PITPNM2: variants seen among roughly 807,000 people sequenced by gnomAD.
The protein encoded by PITPNM2 is phosphatidylinositol transfer protein membrane associated 2, also known as membrane-associated phosphatidylinositol transfer protein 2.
PITPNM2 carries 35 observed loss-of-function variants against 132.2 expected under a neutral mutation model. That is an observed-to-expected ratio of 0.26 (90% CI 0.20 to 0.35). PITPNM2 has a LOEUF of 0.35. Among genes scored for constraint, PITPNM2 ranks in the 10% least tolerant of loss-of-function variants. PITPNM2 has a pLI of 1.00. For missense variants in PITPNM2, 1,332 were observed against 1,912.0 expected (o/e 0.70, Z 5.66); for synonymous variants, 738 against 799.2 (o/e 0.92, Z 1.29).
At chr12:123,073,993 G>A (rs1301882551) in intron 2 of PITPNM2, among the ~76,000 whole-genome samples, 2 of 152,188 alleles carry the variant, frequency 1.3e-5, no homozygotes, top group Non-Finnish European at 2.9e-5. Context: ...GAAGGACAAG[G>A]GCTGAATATA....
At chr12:123,145,845 G>A (rs188130273) in intron 1 of PITPNM2, among the ~76,000 whole-genome samples, 153 of 152,242 alleles carry the variant, frequency 1.0e-3, no homozygotes, top group African/African-American at 3.3e-3. Context: ...TAAAGATACA[G>A]GCACACGTAT....
At chr12:123,131,833 T>C (rs2043269415) in intron 1 of PITPNM2, among the ~76,000 whole-genome samples, 1 of 152,252 alleles carries the variant, frequency 6.6e-6, no homozygotes, top group African/African-American at 2.4e-5. Flanking sequence ...TCCAAGTGCC[T>C]GTCAAGCTCT....
At chr12:123,114,769 G>A (rs1261372472) in intron 1 of PITPNM2, among the ~76,000 whole-genome samples, 4 of 152,118 alleles carry the variant, frequency 2.6e-5, no homozygotes, top group South Asian at 2.1e-4. Context: ...CTGAAGAGTC[G>A]ATGAGCTAAA....
chr12:123,055,566 T>G (rs1172570651), intron 2 of PITPNM2, among the ~76,000 whole-genome samples: 3 of 152,246 alleles, frequency 2.0e-5, no homozygotes, highest in African/African-American at 7.2e-5. Context: ...GATGCAGCTT[T>G]GTAGGAACAG....
At chr12:123,125,461 C>T (rs1312222565) in intron 1 of PITPNM2, among the ~76,000 whole-genome samples, 1 of 152,066 alleles carries the variant, frequency 6.6e-6, no homozygotes, top group African/African-American at 2.4e-5. Context: ...ACAGATTTAA[C>T]AAGAGTTTTT....
At chr12:123,131,080 C>A (rs184566593) in intron 1 of PITPNM2, among the ~76,000 whole-genome samples, 2 of 152,180 alleles carry the variant, frequency 1.3e-5, no homozygotes, top group Non-Finnish European at 2.9e-5. Flanking sequence ...ATTCATTCAA[C>A]AAATATGGAG....
At position 123,000,942 on chromosome 12, in the gene PITPNM2, G is replaced by A; in HGVS notation, c.1154-94C>T. The A allele has an allele frequency of 6.5e-7, 1 of 1,549,388 alleles. No homozygotes were observed. The highest frequency in any genetic ancestry group is 1.4e-5 in the African/African-American group (1 of 73,734). ...CAACTGTGACGAGGGGAGCTTGGGG[G>A]TCCCCAACTCACATGTATGCCCAGC... On this transcript the variant is annotated intron_variant, in intron 9 of 25. Coordinates refer to ENST00000320201, the MANE Select transcript of PITPNM2 (RefSeq NM_020845.3). The surrounding 1 kb of genome is among the most constrained non-coding windows in gnomAD (Gnocchi z 5.4).
At chr12:123,026,317 G>T (rs2039861199) in intron 3 of PITPNM2, among the ~76,000 whole-genome samples, 1 of 152,218 alleles carries the variant, frequency 6.6e-6, no homozygotes, top group African/African-American at 2.4e-5. Flanking sequence ...CACAAACTAA[G>T]GTATGCTTGG....
chr12:123,027,795 G>C (rs1431629233), intron 3 of PITPNM2, among the ~76,000 whole-genome samples: 1 of 152,198 alleles, frequency 6.6e-6, no homozygotes, highest in Non-Finnish European at 1.5e-5. Flanking sequence ...CTGTCACCAG[G>C]AACTTCAAAG....
chr12:122,992,427 A>T lies in PITPNM2; in HGVS notation c.2404+72T>A, dbSNP rs1350996629. 6.8e-7 allele frequency: 1 copy of T among 1,477,188 alleles called. No individual in the cohort carries two copies. Among genetic ancestry groups the T allele is most frequent in the Non-Finnish European group, 9.1e-7 (1 of 1,102,744 alleles). 91.5% of individuals were successfully genotyped at this position (1,477,188 alleles called of 1,614,324 possible). On this transcript the variant is annotated intron_variant, in intron 16 of 25. Coordinates refer to ENST00000320201, the MANE Select transcript of PITPNM2 (RefSeq NM_020845.3). This position sits in a 1 kb window ranked among gnomAD's most constrained non-coding sequence, Gnocchi z 6.5. ...CCTGGGGAAGAACCACGTAGCATGG[A>T]GGACCTAGGAGCCAGGGAGCCACGC...
intron 2 of PITPNM2, among the ~76,000 whole-genome samples, chr12:123,093,731 G>A (rs1243926630): frequency 1.3e-5 from 2 of 152,228 alleles, no homozygotes; most frequent in Admixed American, 6.5e-5. Flanking sequence ...AAGACAGGCT[G>A]TTGCAGCCCA....
intron 1 of PITPNM2, among the ~76,000 whole-genome samples, chr12:123,123,613 CA>C (rs1447716111): frequency 6.7e-6 from 1 of 149,610 alleles, no homozygotes; most frequent in East Asian, 1.9e-4. Flanking sequence ...CTCTCTCTCT[CA>C]AAAAAAACAA....
intron 1 of PITPNM2, among the ~76,000 whole-genome samples, chr12:123,119,266 C>T (rs1244982922): frequency 1.3e-5 from 2 of 151,992 alleles, no homozygotes; most frequent in African/African-American, 4.8e-5. Context: ...GCAGCTTCTG[C>T]CTAAGCTTTG....
chr12:123,115,947 C>T (rs2042929181), intron 1 of PITPNM2, among the ~76,000 whole-genome samples: 1 of 152,218 alleles, frequency 6.6e-6, no homozygotes, highest in Non-Finnish European at 1.5e-5. Flanking sequence ...CCATGGGAAC[C>T]TGGATATTCC....
intron 3 of PITPNM2, among the ~76,000 whole-genome samples, chr12:123,026,520 T>C (rs2039868739): frequency 6.6e-6 from 1 of 152,274 alleles, no homozygotes; most frequent in Admixed American, 6.5e-5. Flanking sequence ...CCTGGGATGC[T>C]GGCAGGCTCA....
chr12:123,025,227 C>A lies in PITPNM2; in HGVS notation c.78+9286G>T, dbSNP rs534635061. Among the ~76,000 whole-genome samples the A allele has an allele frequency of 4.9e-3, 744 of 152,298 alleles. 4 individuals are homozygous for A. The highest frequency in any genetic ancestry group is 8.6e-3 in the Non-Finnish European group (586 of 68,030). On this transcript the variant is annotated intron_variant, in intron 3 of 25. Transcript: ENST00000320201. ...GCAGGTGTGTATGTGTGCGTGCATA[C>A]ACCTAGGCACACAGATGCACATGCA...
intron 2 of PITPNM2, among the ~76,000 whole-genome samples, chr12:123,070,255 C>T (rs965569960): frequency 5.9e-5 from 9 of 152,210 alleles, no homozygotes; most frequent in African/African-American, 1.7e-4. Context: ...AGCTATCAGA[C>T]TGCAAACAGA....
At chr12:123,073,448 C>A (rs767536141) in intron 2 of PITPNM2, among the ~76,000 whole-genome samples, 3 of 152,180 alleles carry the variant, frequency 2.0e-5, no homozygotes, top group Non-Finnish European at 2.9e-5. Context: ...ACCGCCTACA[C>A]AGGTGGTTCA....
At position 123,058,827 on chromosome 12, in the gene PITPNM2, G is replaced by T. The variant is rs1398162029; in HGVS notation, c.-95-24142C>A. Among the ~76,000 whole-genome samples the T allele has an allele frequency of 6.6e-6, 1 of 152,144 alleles. No individual in the cohort carries two copies. Among genetic ancestry groups the T allele is most frequent in the South Asian group, 2.1e-4 (1 of 4,812 alleles). On this transcript the variant is annotated intron_variant, in intron 2 of 25. Transcript: ENST00000320201. The surrounding 1 kb of genome is among the most constrained non-coding windows in gnomAD (Gnocchi z 4.0). ...GGTCCACCTGGAAAATTCTCGAAGT[G>T]TCTATTAAGAATCAGCTTACACAGC... is the stretch of plus-strand genomic sequence containing the variant.
Sources: gnomAD v4.1 joint callset for allele counts (sites outside exome capture counted in the v4.1 genomes callset) on GRCh38, gnomAD v4.1.1 for gene constraint, Gnocchi (gnomAD v3.1) non-coding constraint, MANE v1.5 for transcripts, NCBI Gene and HGNC (gene_info 2026-07-23, HGNC 2026-07-21) for gene names.